Variants in TRIM3 observed in about 807,000 individuals in gnomAD.
TRIM3 encodes the protein tripartite motif-containing protein 3.
In TRIM3, 13 loss-of-function variants were observed where a neutral mutation model predicts 66.6. The ratio of observed to expected loss-of-function variants is 0.20; its 90% CI spans 0.13 to 0.31. TRIM3 has a LOEUF of 0.31. Among genes scored for constraint, TRIM3 ranks in the 10% least tolerant of loss-of-function variants. The pLI is 1.00. For missense variants in TRIM3, 711 were observed against 1,020.4 expected, an observed-to-expected ratio of 0.70 and a Z score of 4.13; for synonymous variants, 406 against 411.7, an observed-to-expected ratio of 0.99 and a Z score of 0.17.
rs1320769886 is a variant in TRIM3 at position 6,458,598 on chromosome 11, G to GCAC, written c.132-305_132-303dup. On this transcript the variant is annotated intron_variant, in intron 2 of 11. Transcript: ENST00000345851. The surrounding 1 kb of genome is among the most constrained non-coding windows in gnomAD (Gnocchi z 6.2). ...GCTTCTCATAGGAATGTGCAACTAG[G>GCAC]CACCCCCTGCCCAACTTCTTTAACT... is the stretch of plus-strand genomic sequence containing the variant. 1.3e-5 allele frequency among the ~76,000 whole-genome samples: 2 copies of GCAC among 152,108 alleles called. No individual in the cohort carries two copies. The highest frequency in any genetic ancestry group is 2.9e-5 in the Non-Finnish European group (2 of 68,020).
chr11:6,457,571 C>A lies in TRIM3; in HGVS notation c.516-95G>T. 1 of 1,553,304 alleles carries A rather than the reference C, an allele frequency of 6.4e-7. No homozygotes were observed. Among genetic ancestry groups the A allele is most frequent in the South Asian group, 1.2e-5 (1 of 83,572 alleles). Reference sequence around the variant, plus strand: ...AACCTACTGCTGCCCTCATGGAGATCTCCTTCCTGAGACCTCCCTGAGACT... The same window carrying A: ...AACCTACTGCTGCCCTCATGGAGATATCCTTCCTGAGACCTCCCTGAGACT... On this transcript the variant is annotated intron_variant, in intron 4 of 11. Transcript: ENST00000345851. The surrounding 1 kb of genome is among the most constrained non-coding windows in gnomAD (Gnocchi z 4.5).
intron 7 of TRIM3, chr11:6,452,176 G>C (rs77814124): frequency 0.016 from 2,372 of 152,308 alleles, 67 homozygotes; most frequent in African/African-American, 0.054. Flanking sequence ...GTCCATTCAG[G>C]CTATGGGGCT....
chr11:6,463,085 G>A lies in TRIM3; in HGVS notation c.131+2480C>T, dbSNP rs370984008. On this transcript the variant is annotated intron_variant, in intron 2 of 11. Coordinates refer to ENST00000345851, the MANE Select transcript of TRIM3 (RefSeq NM_033278.4). ...CCGGATGTGGTGGCGTGCGCCTGTAGTCCCAGCTACTTGGGAGGCTGAGGC... is the reference window on the plus strand; with the variant it reads ...CCGGATGTGGTGGCGTGCGCCTGTAATCCCAGCTACTTGGGAGGCTGAGGC... 2.8e-3 allele frequency among the ~76,000 whole-genome samples: 424 copies of A among 151,304 alleles called. 2 individuals carry two copies. Among genetic ancestry groups the A allele is most frequent in the African/African-American group, 9.2e-3 (380 of 41,216 alleles).
chr11:6,472,333 C>G (rs1256035584), intron 1 of TRIM3, among the ~76,000 whole-genome samples: 1 of 152,200 alleles, frequency 6.6e-6, no homozygotes, highest in Non-Finnish European at 1.5e-5. Context: ...ATGATTAAAT[C>G]CCATCTTGTA....
chr11:6,472,304 C>G (rs929346734), intron 1 of TRIM3, among the ~76,000 whole-genome samples: 1 of 152,192 alleles, frequency 6.6e-6, no homozygotes, highest in East Asian at 1.9e-4. Context: ...AGGGCTTCCA[C>G]AGATTGTACC....
Position 6,456,408 on chromosome 11 carries a change from C to A in TRIM3, c.1318G>T (p.Gly440Cys). 6.5e-7 allele frequency: 1 copy of A among 1,530,768 alleles called. No individual in the cohort carries two copies. Among genetic ancestry groups the A allele is most frequent in the Non-Finnish European group, 8.8e-7 (1 of 1,136,520 alleles). The allele number at this position is 1,530,768 out of a possible 1,614,324, so 94.8% of individuals were successfully genotyped here. The part of the protein sequence containing the change: ...DVKRRVKSPG[G>C]PGSHVRQKAV... ...TTCTGGCGCACATGGCTGCCGGGGC[C>A]GCCAGGGGACTTGACACGGCGCTTC... The change falls in exon 6 of 12, where the codon GGC becomes TGC. Residue 440 changes from glycine to cysteine, a missense_variant. By Grantham distance (159) the Gly-to-Cys change is radical (BLOSUM62 -3). Transcript: ENST00000345851. The surrounding 1 kb of genome is among the most constrained non-coding windows in gnomAD (Gnocchi z 6.4).
chr11:6,448,783 G>C lies in TRIM3; in HGVS notation c.*245C>G, dbSNP rs1009660388. ...ACAGGGGTGGGGAGGTGTGTAAGAA[G>C]GGTAGGGTGAAGCTCTGCACACATC... On this transcript the variant is annotated 3_prime_UTR_variant, in exon 12 of 12. Transcript: ENST00000345851. The C allele has an allele frequency of 3.3e-6, 2 of 614,116 alleles. No individual in the cohort carries two copies. The highest frequency in any genetic ancestry group is 3.7e-5 in the African/African-American group (2 of 54,096). The allele number at this position is 614,116 out of a possible 1,614,324, so 38.0% of individuals were successfully genotyped here.
chr11:6,450,486 G>C lies in TRIM3; in HGVS notation c.1941+65C>G, dbSNP rs1243377214. ...GGGGAAAAGGAGGAGGTAAAATAGAGAGGAGTCTTGTGGAAGAGGAAAGGA... is the reference window on the plus strand; with the variant it reads ...GGGGAAAAGGAGGAGGTAAAATAGACAGGAGTCTTGTGGAAGAGGAAAGGA... On this transcript the variant is annotated intron_variant, in intron 10 of 11. Coordinates refer to ENST00000345851, the MANE Select transcript of TRIM3 (RefSeq NM_033278.4). The surrounding 1 kb of genome is among the most constrained non-coding windows in gnomAD (Gnocchi z 4.8). 14 of 1,380,992 alleles carry C rather than the reference G, an allele frequency of 1.0e-5. 1 individual carries two copies. In the African/African-American group the frequency reaches 1.6e-4, roughly 15 times the overall value. The allele number at this position is 1,380,992 out of a possible 1,614,324, so 85.5% of individuals were successfully genotyped here.
At chr11:6,464,935 C>A (rs1055155446) in intron 2 of TRIM3, among the ~76,000 whole-genome samples, 20 of 134,496 alleles carry the variant, frequency 1.5e-4, no homozygotes, top group Admixed American at 3.7e-4. Context: ...TGCAGTGAGC[C>A]GAGATCGTGC....
At chr11:6,465,167 CCTGA>C (rs1850404692) in intron 2 of TRIM3, among the ~76,000 whole-genome samples, 1 of 151,982 alleles carries the variant, frequency 6.6e-6, no homozygotes, top group East Asian at 1.9e-4. Flanking sequence ...TCACTCAGTA[CCTGA>C]GGACAACAAG....
In TRIM3 at chr11:6,449,239, T is replaced by C. The variant is rs1849618449; in HGVS notation, c.2083-59A>G. On this transcript the variant is annotated intron_variant, in intron 11 of 11. Coordinates refer to ENST00000345851, the MANE Select transcript of TRIM3 (RefSeq NM_033278.4). The surrounding 1 kb of genome is among the most constrained non-coding windows in gnomAD (Gnocchi z 5.3). ...AGATCAGGCAGATGAGAGTCTGTTT[T>C]GGGGGAACGGGCATATGGGACACAC... 1 of 1,609,580 alleles carries C rather than the reference T, an allele frequency of 6.2e-7. No homozygotes were observed. The highest frequency in any genetic ancestry group is 1.3e-5 in the African/African-American group (1 of 74,930).
rs1343182468 is a variant in TRIM3 at position 6,458,490 on chromosome 11, AC to A, written c.132-195del. The A allele has an allele frequency of 1.4e-5, 8 of 572,890 alleles. No homozygotes were observed. The highest frequency in any genetic ancestry group is 2.2e-5 in the Non-Finnish European group (7 of 321,260). The allele number at this position is 572,890 out of a possible 1,614,324, so 35.5% of individuals were successfully genotyped here. A position where few individuals can be genotyped will look rare whatever the true frequency, so the allele number is the denominator to read the frequency against. On this transcript the variant is annotated intron_variant, in intron 2 of 11. Transcript: ENST00000345851. The surrounding 1 kb of genome is among the most constrained non-coding windows in gnomAD (Gnocchi z 6.2). ...GCCCCTTACAACTGAGTAGGAACAC[AC>A]CCCGACCCCTCTCAGAAGAGCAGAC... is the stretch of plus-strand genomic sequence containing the variant.
At chr11:6,455,404 C>T (rs1395553708) in intron 7 of TRIM3, among the ~76,000 whole-genome samples, 1 of 152,088 alleles carries the variant, frequency 6.6e-6, no homozygotes, top group Non-Finnish European at 1.5e-5. Context: ...GCCCACTGTA[C>T]TAGGCTCTGA....
chr11:6,474,161 C>CGAG (rs1850839518), upstream of TRIM3: 3 of 151,708 alleles, frequency 2.0e-5, no homozygotes, highest in South Asian at 6.2e-4. Flanking sequence ...CGAGCCGGAT[C>CGAG]CCGGATCTCG....
chr11:6,451,811 G>C (rs951908866), intron 7 of TRIM3: 1 of 230,324 alleles, frequency 4.3e-6, no homozygotes, highest in Non-Finnish European at 8.5e-6. Context: ...CACCACTTGA[G>C]GACTTGTCCA....
upstream of TRIM3, chr11:6,473,982 G>C (rs900030255): frequency 1.3e-5 from 2 of 151,484 alleles, no homozygotes; most frequent in African/African-American, 4.8e-5. Context: ...GACCGGCCGG[G>C]GGAGGGGGTG....
chr11:6,458,224 G>T lies in TRIM3; in HGVS notation c.204C>A (p.Leu68=). 2 of 1,614,246 alleles carry T rather than the reference G, an allele frequency of 1.2e-6. No homozygotes were observed. The highest frequency in any genetic ancestry group is 1.7e-6 in the Non-Finnish European group (2 of 1,180,052). The change falls in exon 3 of 12, where the codon CTC becomes CTA. Residue 68 remains leucine (L), a synonymous_variant. Transcript: ENST00000345851. This position sits in a 1 kb window ranked among gnomAD's most constrained non-coding sequence, Gnocchi z 6.2. ...SCPVCRQTSI[L]PEQGVSALQN... is the part of the protein sequence containing the mutation. ...GCAGTGCCGAGACGCCCTGCTCTGG[G>T]AGGATGGACGTCTGCCGGCATACTG...
chr11:6,471,561 C>A (rs982368432), intron 1 of TRIM3, among the ~76,000 whole-genome samples: 2 of 152,238 alleles, frequency 1.3e-5, no homozygotes, highest in African/African-American at 2.4e-5. Context: ...ACACTGTGGG[C>A]CAGGTCCTTC....
rs762938990 is a variant in TRIM3, at chr11:6,457,867, G to A, written c.364-20C>T. Reference sequence around the variant, plus strand: ...CATCGTCTGCGGTACAAGGACTCCAGTCGGGTAATGGCTAGACATCACACT... The same window carrying A: ...CATCGTCTGCGGTACAAGGACTCCAATCGGGTAATGGCTAGACATCACACT... On this transcript the variant is annotated intron_variant, in intron 3 of 11. Coordinates refer to ENST00000345851, the MANE Select transcript of TRIM3 (RefSeq NM_033278.4). The surrounding 1 kb of genome is among the most constrained non-coding windows in gnomAD (Gnocchi z 4.5). The A allele has an allele frequency of 6.2e-7, 1 of 1,613,754 alleles. No homozygotes were observed. Among genetic ancestry groups the A allele is most frequent in the Non-Finnish European group, 8.5e-7 (1 of 1,179,810 alleles).
Sources: allele counts gnomAD v4.1 joint callset (sites outside exome capture counted in the v4.1 genomes callset), GRCh38; gene constraint gnomAD v4.1.1; non-coding constraint Gnocchi (gnomAD v3.1); transcripts MANE v1.5; gene names NCBI Gene and HGNC (gene_info 2026-07-23, HGNC 2026-07-21).